Variants in THOC7 observed in about 807,000 individuals in gnomAD.
THOC7 encodes THO complex subunit 7.
In THOC7, 22 loss-of-function variants were observed where a neutral mutation model predicts 33.1. That is an observed-to-expected ratio of 0.66 (90% CI 0.47 to 0.95). The LOEUF (loss-of-function observed/expected upper bound fraction) is 0.95, where lower values mean the gene tolerates loss of function less well. THOC7 is among the 40% of genes least tolerant of loss of function. The pLI, the probability that THOC7 is intolerant of heterozygous loss-of-function variation, is 0.00. For missense variants in THOC7, 184 were observed against 245.3 expected, an observed-to-expected ratio of 0.75 and a Z score of 1.67; for synonymous variants, 77 against 76.8, an observed-to-expected ratio of 1.00 and a Z score of -0.01.
At chr3:63,855,543 A>C (rs780368627) in intron 1 of THOC7, among the ~76,000 whole-genome samples, 21 of 152,186 alleles carry the variant, frequency 1.4e-4, no homozygotes, top group Non-Finnish European at 2.6e-4. Context: ...CAGCCATTTT[A>C]GCTGTGCTCT....
chr3:63,856,965 G>A (rs1186896098), intron 1 of THOC7, among the ~76,000 whole-genome samples: 2 of 152,102 alleles, frequency 1.3e-5, no homozygotes, highest in African/African-American at 4.8e-5. Flanking sequence ...TGACCTACCC[G>A]CCTCGGCCTC....
At chr3:63,863,822 G>GCGGCGT (rs1702310263), upstream of THOC7, 8 of 1,230,918 alleles carry the variant, frequency 6.5e-6, no homozygotes, top group Non-Finnish European at 7.1e-6. Context: ...GGCGGCGGCG[G>GCGGCGT]CGCAAGCTGA....
At chr3:63,864,097 C>G (rs909839741), upstream of THOC7, among the ~76,000 whole-genome samples, 5 of 146,610 alleles carry the variant, frequency 3.4e-5, no homozygotes, top group East Asian at 2.0e-4. Flanking sequence ...CCGCCGCCCC[C>G]CTTGCAGCCC....
chr3:63,835,006 G>T lies in THOC7; in HGVS notation c.547+148C>A, dbSNP rs1701600317. ...TTTTCTACATGTATTCAAGAAAGTTGAACATGAGTACCTTCTAACGTCATC... is the reference window on the plus strand; with the variant it reads ...TTTTCTACATGTATTCAAGAAAGTTTAACATGAGTACCTTCTAACGTCATC... On this transcript the variant is annotated intron_variant, in intron 7 of 7. Transcript: ENST00000295899. 7 of 689,354 alleles carry T rather than the reference G, an allele frequency of 1.0e-5. No homozygotes were observed. The South Asian group carries it at 1.8e-4, about 18-fold the overall frequency. The allele number at this position is 689,354 out of a possible 1,614,324, so 42.7% of individuals were successfully genotyped here.
At chr3:63,840,608 A>T (rs1701735505) in intron 1 of THOC7, among the ~76,000 whole-genome samples, 1 of 152,204 alleles carries the variant, frequency 6.6e-6, no homozygotes, top group Non-Finnish European at 1.5e-5. Flanking sequence ...AGAAAAAAAT[A>T]AAAAATAAAA....
chr3:63,837,688 C>T (rs1701662359), intron 4 of THOC7, among the ~76,000 whole-genome samples: 1 of 150,642 alleles, frequency 6.6e-6, no homozygotes. Context: ...GCAAAAGGGT[C>T]CAAGATGGTA....
chr3:63,834,526 G>T (rs932184093), intron 7 of THOC7, among the ~76,000 whole-genome samples: 1 of 151,918 alleles, frequency 6.6e-6, no homozygotes, highest in Non-Finnish European at 1.5e-5. Context: ...TGGGTGTGGT[G>T]GCATGCACCT....
chr3:63,860,756 T>A (rs1702194612), intron 1 of THOC7: 1 of 152,224 alleles, frequency 6.6e-6, no homozygotes, highest in Non-Finnish European at 1.5e-5. Flanking sequence ...TCTAATCCGT[T>A]TAATTTTTAT....
chr3:63,853,770 T>C (rs1010425313), intron 1 of THOC7, among the ~76,000 whole-genome samples: 1 of 151,952 alleles, frequency 6.6e-6, no homozygotes, highest in Non-Finnish European at 1.5e-5. Flanking sequence ...TAGCCGGGCA[T>C]AGTGGCGGGC....
intron 1 of THOC7, among the ~76,000 whole-genome samples, chr3:63,843,222 G>A (rs970961236): frequency 3.3e-5 from 5 of 152,054 alleles, no homozygotes; most frequent in African/African-American, 1.2e-4. Flanking sequence ...GGGTTCAAGC[G>A]ATTCTCTTGC....
intron 1 of THOC7, among the ~76,000 whole-genome samples, chr3:63,840,569 T>C (rs889169190): frequency 3.3e-5 from 5 of 152,100 alleles, no homozygotes; most frequent in African/African-American, 9.7e-5. Context: ...CCAGCGCCTA[T>C]TGGCAACAAA....
At chr3:63,863,611 GAGGC>G in intron 1 of THOC7, 157 bp downstream of exon 1, 1 of 1,195,928 alleles carries the variant, frequency 8.4e-7, no homozygotes. Context: ...AGCAGCCGGG[GAGGC>G]CCGGGGCTCC....
At position 63,845,713 on chromosome 3, in the gene THOC7, C is replaced by A. The variant is rs1701877692; in HGVS notation, c.20-5940G>T. On this transcript the variant is annotated intron_variant, in intron 1 of 7. Transcript: ENST00000295899. Reference sequence around the variant, plus strand: ...TTAGCTAAGTTGGTCAAGGCGATCTCAAAGCCAAAGCCATTTTGGCTTTGG... The same window carrying A: ...TTAGCTAAGTTGGTCAAGGCGATCTAAAAGCCAAAGCCATTTTGGCTTTGG... Among the ~76,000 whole-genome samples the A allele has an allele frequency of 2.0e-5, 3 of 152,138 alleles. No individual in the cohort carries two copies. The South Asian group carries it at 6.2e-4, about 32-fold the overall frequency.
At chr3:63,844,152 G>A (rs965997857) in intron 1 of THOC7, among the ~76,000 whole-genome samples, 1 of 152,168 alleles carries the variant, frequency 6.6e-6, no homozygotes, top group African/African-American at 2.4e-5. Flanking sequence ...AAAAAAGGTG[G>A]TCTCACAGAA....
rs1701683221 is a variant in THOC7, at chr3:63,838,509, A to C, written c.138-10T>G. 2 of 1,578,750 alleles carry C rather than the reference A, an allele frequency of 1.3e-6. No individual in the cohort carries two copies. The highest frequency in any genetic ancestry group is 2.8e-5 in the African/African-American group (2 of 72,344). On this transcript the variant is annotated splice_polypyrimidine_tract_variant and intron_variant, in intron 2 of 7. Transcript: ENST00000295899. ...TTGGTACTGGCTATATCTAATGAAA[A>C]AGAAAGAAAACCAAAATAAAGATAT...
At chr3:63,840,366 AGTATC>A (rs1343195675) in intron 1 of THOC7, among the ~76,000 whole-genome samples, 2 of 152,042 alleles carry the variant, frequency 1.3e-5, no homozygotes, top group African/African-American at 4.8e-5. Flanking sequence ...TGGCTAAGGG[AGTATC>A]ACTTGAGCCC....
At chr3:63,863,480 C>T in intron 1 of THOC7, 2 of 1,168,670 alleles carry the variant, frequency 1.7e-6, no homozygotes, top group Non-Finnish European at 1.1e-6. Context: ...TGTTCCCAGC[C>T]CACCGACCAC....
chr3:63,845,192 C>T (rs560274575), intron 1 of THOC7: 15 of 478,036 alleles, frequency 3.1e-5, no homozygotes, highest in African/African-American at 9.6e-5. Context: ...TATTTAAGCT[C>T]GCTGATATCT....
chr3:63,857,953 T>G (rs1057198108), intron 1 of THOC7, among the ~76,000 whole-genome samples: 4 of 152,162 alleles, frequency 2.6e-5, no homozygotes, highest in African/African-American at 9.7e-5. Context: ...ACTGCAGCAG[T>G]TATCCCTGTG....
Sources: allele counts gnomAD v4.1 joint callset (sites outside exome capture counted in the v4.1 genomes callset), GRCh38; gene constraint gnomAD v4.1.1; transcripts MANE v1.5; gene names NCBI Gene and HGNC (gene_info 2026-07-23, HGNC 2026-07-21).